Variants in ANKFY1 observed in about 807,000 individuals in gnomAD.
The protein encoded by ANKFY1 is ankyrin repeat and FYVE domain-containing protein 1.
ANKFY1 carries 47 observed loss-of-function variants against 128.3 expected under a neutral mutation model. That is an observed-to-expected ratio of 0.37 (90% CI 0.29 to 0.47). The LOEUF (loss-of-function observed/expected upper bound fraction) is 0.47, where lower values mean the gene tolerates loss of function less well. Ranked by LOEUF, ANKFY1 falls within the 20% of genes least tolerant of loss-of-function variation. The pLI is 1.00. For missense variants in ANKFY1, 1,222 were observed against 1,510.6 expected (o/e 0.81, Z 3.17); for synonymous variants, 553 against 601.6 (o/e 0.92, Z 1.18).
At chr17:4,246,256 T>C (rs1356124010) in intron 1 of ANKFY1, among the ~76,000 whole-genome samples, 3 of 152,190 alleles carry the variant, frequency 2.0e-5, no homozygotes, top group Admixed American at 2.0e-4. Flanking sequence ...AAAGCCTGTA[T>C]TTGTTTGTAG....
At chr17:4,186,976 T>C (rs1271960134) in intron 11 of ANKFY1, 1 of 1,201,604 alleles carries the variant, frequency 8.3e-7, no homozygotes, top group Non-Finnish European at 1.0e-6. Context: ...TCCTCTGTTT[T>C]TCCATGGGTT....
Position 4,166,287 on chromosome 17 carries a change from A to C in ANKFY1, c.*1492T>G. The C allele has an allele frequency of 6.6e-6, 1 of 152,422 alleles. No homozygotes were observed. The highest frequency in any genetic ancestry group is 2.1e-4 in the South Asian group (1 of 4,830). The allele number at this position is 152,422 out of a possible 1,614,324, so 9.4% of individuals were successfully genotyped here. A position where few individuals can be genotyped will look rare whatever the true frequency, so the allele number is the denominator to read the frequency against. ...GAACAAAGAACAGGCTGTTGCAAAA[A>C]TATTTAGTCCCTTTACACATATAGT... On this transcript the variant is annotated 3_prime_UTR_variant, in exon 25 of 25. Coordinates refer to ENST00000341657, the MANE Select transcript of ANKFY1 (RefSeq NM_001330063.2).
At chr17:4,226,737 C>A (rs2060432381) in intron 3 of ANKFY1, among the ~76,000 whole-genome samples, 1 of 138,196 alleles carries the variant, frequency 7.2e-6, no homozygotes. Flanking sequence ...AACGAGACTC[C>A]ATCTCAAAAA....
rs111403750 is a variant in ANKFY1 at position 4,210,461 on chromosome 17, C to A, written c.459-514G>T. Among the ~76,000 whole-genome samples the A allele has an allele frequency of 1.1e-3, 165 of 152,270 alleles. 1 individual carries two copies. Among genetic ancestry groups the A allele is most frequent in the African/African-American group, 3.8e-3 (158 of 41,542 alleles). On this transcript the variant is annotated intron_variant, in intron 4 of 24. Coordinates refer to ENST00000341657, the MANE Select transcript of ANKFY1 (RefSeq NM_001330063.2). ...CAGTGGCTCACGCCTGTAATCCCAG[C>A]GCTTTGGGAGGCCGAGGTGGGTGGA...
intron 1 of ANKFY1, among the ~76,000 whole-genome samples, chr17:4,258,441 T>C (rs565243022): frequency 8.7e-5 from 13 of 150,250 alleles, no homozygotes; most frequent in Non-Finnish European, 1.9e-4. Context: ...AGGAGAATGG[T>C]GTGAACCTGG....
chr17:4,216,641 T>C (rs2060224774), intron 4 of ANKFY1: 5 of 342,476 alleles, frequency 1.5e-5, no homozygotes, highest in South Asian at 7.4e-5. Flanking sequence ...ACTTGATATA[T>C]CAGAAAATAG....
chr17:4,187,169 A>T (rs979941094), intron 11 of ANKFY1: 1 of 493,230 alleles, frequency 2.0e-6, no homozygotes, highest in East Asian at 3.5e-5. Flanking sequence ...TTCCCCTCCA[A>T]GTTCCCAAAT....
intron 12 of ANKFY1, among the ~76,000 whole-genome samples, chr17:4,184,515 A>G (rs1476816397): frequency 6.6e-6 from 1 of 152,168 alleles, no homozygotes; most frequent in Non-Finnish European, 1.5e-5. Context: ...CAGTGCTCAC[A>G]CCGAGGCACA....
At chr17:4,259,278 C>T (rs1009620256) in intron 1 of ANKFY1, among the ~76,000 whole-genome samples, 3 of 152,136 alleles carry the variant, frequency 2.0e-5, no homozygotes, top group African/African-American at 7.2e-5. Context: ...TTAAACACTA[C>T]ATTTTATTTT....
At chr17:4,195,748 GA>G (rs2059806680) in intron 8 of ANKFY1, among the ~76,000 whole-genome samples, 2 of 152,058 alleles carry the variant, frequency 1.3e-5, no homozygotes, top group African/African-American at 4.8e-5. Context: ...GCACAGACAG[GA>G]TTTTCTTGAG....
chr17:4,248,923 C>T (rs535008611), intron 1 of ANKFY1, among the ~76,000 whole-genome samples: 5 of 152,314 alleles, frequency 3.3e-5, no homozygotes, highest in African/African-American at 9.6e-5. Flanking sequence ...ATCTGTTCTC[C>T]ATGAGTGCAG....
At chr17:4,208,487 T>C (rs995570374) in intron 5 of ANKFY1, among the ~76,000 whole-genome samples, 4 of 152,224 alleles carry the variant, frequency 2.6e-5, no homozygotes, top group African/African-American at 9.6e-5. Context: ...CCCTGAAAGA[T>C]GGCAGTTACA....
chr17:4,176,621 C>G (rs2059415724), intron 19 of ANKFY1, among the ~76,000 whole-genome samples: 1 of 152,348 alleles, frequency 6.6e-6, no homozygotes, highest in South Asian at 2.1e-4. Context: ...CACATCTTTA[C>G]TGAGACCCTC....
intron 2 of ANKFY1, among the ~76,000 whole-genome samples, chr17:4,241,263 CTTCTTCTTCTTCTT>C (rs1300060333): frequency 2.4e-5 from 2 of 83,538 alleles, no homozygotes; most frequent in African/African-American, 4.0e-5. Flanking sequence ...TGAGCTTCTT[CTTCTTCTTCTTCTT>C]TTTTTTTTTT....
chr17:4,246,990 G>T (rs1173665498), intron 1 of ANKFY1, among the ~76,000 whole-genome samples: 2 of 152,010 alleles, frequency 1.3e-5, no homozygotes, highest in Non-Finnish European at 2.9e-5. Context: ...GTGGGCACCG[G>T]TAGTCCCAGC....
chr17:4,185,167 G>C, intron 11 of ANKFY1, 121 bp from the exon 12 acceptor site: 1 of 829,280 alleles, frequency 1.2e-6, no homozygotes, highest in Non-Finnish European at 2.0e-6. Flanking sequence ...TGCCCCTCCT[G>C]ACTTCTGTTC....
rs1411171420 is a variant in ANKFY1 at position 4,197,448 on chromosome 17, A to G, written c.1028T>C (p.Met343Thr). 15 of 1,614,114 alleles carry G rather than the reference A, an allele frequency of 9.3e-6. No homozygotes were observed. Among genetic ancestry groups the G allele is most frequent in the Admixed American group, 1.7e-5 (1 of 60,008 alleles). ...YSSKKHSADV[M>T]SEMAQIAEAL... ...CTCTGCAATCTGCGCCATCTCAGACATCACATCTGCTGAGTGTTTCTTTGA... is the reference window on the plus strand; with the variant it reads ...CTCTGCAATCTGCGCCATCTCAGACGTCACATCTGCTGAGTGTTTCTTTGA... The change falls in exon 8 of 25, where the codon ATG (methionine) becomes ACG (threonine). Residue 343 changes from methionine (M) to threonine (T), a missense_variant. Coordinates refer to ENST00000341657, the MANE Select transcript of ANKFY1 (RefSeq NM_001330063.2).
rs1037974647 is a variant in ANKFY1 at position 4,172,776 on chromosome 17, T to C, written c.3015-96A>G. 3 of 1,476,492 alleles carry C rather than the reference T, an allele frequency of 2.0e-6. No homozygotes were observed. The African/African-American group carries it at 4.2e-5, about 21-fold the overall frequency. 91.5% of individuals were successfully genotyped at this position (1,476,492 alleles called of 1,614,324 possible). ...TCTGAACTCTGTGATGGTGGATAAA[T>C]CTAAAAGACACAAAACAAGTCACAA... On this transcript the variant is annotated intron_variant, in intron 21 of 24. Transcript: ENST00000341657.
intron 4 of ANKFY1, chr17:4,216,407 G>A (rs1248116339): frequency 6.1e-6 from 1 of 163,404 alleles, no homozygotes; most frequent in Non-Finnish European, 1.4e-5. Flanking sequence ...TTTAGTGAAC[G>A]TTTTGTTTTC....
Sources: gnomAD v4.1 joint callset for allele counts (sites outside exome capture counted in the v4.1 genomes callset) on GRCh38, gnomAD v4.1.1 for gene constraint, MANE v1.5 for transcripts, NCBI Gene and HGNC (gene_info 2026-07-23, HGNC 2026-07-21) for gene names.